The following ELF1 variants were observed in gnomAD, a reference collection of about 807,000 sequenced individuals.
ELF1 encodes the protein E74 like ETS transcription factor 1.
Under a neutral mutation model 59.9 loss-of-function variants are expected in ELF1, and 24 were observed. The observed-to-expected ratio is 0.40, with a 90% CI of 0.29 to 0.56. ELF1 has a LOEUF of 0.56. Among genes scored for constraint, ELF1 ranks in the 20% least tolerant of loss-of-function variants. The probability of loss-of-function intolerance (pLI) is 0.44; values close to 1 mark genes in which losing one functional copy is unlikely to be tolerated. For synonymous variants in ELF1, 248 were observed against 266.2 expected (o/e 0.93, Z 0.67); for missense variants, 627 against 742.2 (o/e 0.84, Z 1.80).
At chr13:41,001,650 A>G (rs892660379) in intron 1 of ELF1, among the ~76,000 whole-genome samples, 1 of 152,186 alleles carries the variant, frequency 6.6e-6, no homozygotes, top group Non-Finnish European at 1.5e-5. Flanking sequence ...TTGTGCCCTC[A>G]TAGGGCTTAG....
chr13:40,955,155 G>A (rs1871160785), intron 3 of ELF1, among the ~76,000 whole-genome samples: 1 of 150,236 alleles, frequency 6.7e-6, no homozygotes, highest in Non-Finnish European at 1.5e-5. Context: ...TGAGAAGTGA[G>A]GAGCCCCTCC....
intron 1 of ELF1, among the ~76,000 whole-genome samples, chr13:41,045,900 T>G (rs1876823170): frequency 1.3e-5 from 2 of 152,264 alleles, no homozygotes; most frequent in African/African-American, 2.4e-5. Context: ...AGTCTCCCAT[T>G]ATTATTGTGT....
At chr13:41,054,951 G>A (rs1877231988) in intron 1 of ELF1, among the ~76,000 whole-genome samples, 1 of 152,176 alleles carries the variant, frequency 6.6e-6, no homozygotes, top group African/African-American at 2.4e-5. Flanking sequence ...AAGGGGCTTC[G>A]TAAAATAAAC....
intron 2 of ELF1, among the ~76,000 whole-genome samples, chr13:40,969,715 A>G (rs1236428047): frequency 6.6e-6 from 1 of 152,148 alleles, no homozygotes; most frequent in Non-Finnish European, 1.5e-5. Flanking sequence ...AGTTCATTAA[A>G]TTTTTAAGAC....
intron 2 of ELF1, among the ~76,000 whole-genome samples, chr13:40,976,778 GAT>G (rs57166717): frequency 0.012 from 1,828 of 152,074 alleles, 24 homozygotes; most frequent in East Asian, 0.05. Flanking sequence ...GCTCTCATGT[GAT>G]ATACACCACC....
intron 1 of ELF1, among the ~76,000 whole-genome samples, chr13:41,056,141 T>G (rs1029714878): frequency 1.3e-5 from 2 of 152,196 alleles, no homozygotes; most frequent in African/African-American, 4.8e-5. Context: ...AAATTTACTA[T>G]CCACATTGGC....
intron 2 of ELF1, among the ~76,000 whole-genome samples, chr13:40,967,663 C>T (rs1872266214): frequency 6.6e-6 from 1 of 152,140 alleles, no homozygotes; most frequent in Non-Finnish European, 1.5e-5. Context: ...GTGATCACAG[C>T]TCACTGCATC....
chr13:40,967,370 CCT>C (rs1174082694), intron 2 of ELF1, among the ~76,000 whole-genome samples: 2 of 152,074 alleles, frequency 1.3e-5, no homozygotes, highest in African/African-American at 4.8e-5. Flanking sequence ...AGTTATCCAG[CCT>C]CTCTAAGCTT....
chr13:40,961,981 C>T lies in ELF1; in HGVS notation c.73-2965G>A, dbSNP rs149365079. Among the ~76,000 whole-genome samples the T allele has an allele frequency of 3.6e-4, 55 of 152,310 alleles. 2 individuals are homozygous for T. In the East Asian group the frequency reaches 0.01, roughly 28 times the overall value. On this transcript the variant is annotated intron_variant, in intron 2 of 8. Transcript: ENST00000239882. The stretch of plus-strand genomic sequence containing the variant: ...CTTGGGTAGAGAGTGCTAATGTGTA[C>T]ATAACAAGGGATACTTCCAAATTTT...
At chr13:40,955,663 C>A in intron 3 of ELF1, among the ~76,000 whole-genome samples, 1 of 119,182 alleles carries the variant, frequency 8.4e-6, no homozygotes, top group African/African-American at 3.1e-5. Flanking sequence ...CCGCCCCGTC[C>A]GGGAGGGAGG....
intron 1 of ELF1, among the ~76,000 whole-genome samples, chr13:40,989,843 T>G (rs1418840928): frequency 6.6e-6 from 1 of 152,154 alleles, no homozygotes; most frequent in Non-Finnish European, 1.5e-5. Context: ...AAGGGGGAAT[T>G]TAAAAAACCA....
In ELF1 at chr13:40,931,962, G is replaced by A. The variant is rs748854681; in HGVS notation, c.*1463C>T. The stretch of plus-strand genomic sequence containing the variant: ...AATTTATTTATAAACATTAAGTAAT[G>A]CTGATGTTCTAGTAATATTCTCTGC... On this transcript the variant is annotated 3_prime_UTR_variant, in exon 9 of 9. Coordinates refer to ENST00000239882, the MANE Select transcript of ELF1 (RefSeq NM_172373.4). 1.9e-4 allele frequency: 29 copies of A among 152,174 alleles called. No homozygotes were observed. The highest frequency in any genetic ancestry group is 4.0e-4 in the Non-Finnish European group (27 of 68,026). 9.4% of individuals were successfully genotyped at this position (152,174 alleles called of 1,614,324 possible).
chr13:40,946,402 C>T (rs1870512508), intron 5 of ELF1, among the ~76,000 whole-genome samples: 1 of 152,164 alleles, frequency 6.6e-6, no homozygotes, highest in Non-Finnish European at 1.5e-5. Context: ...ACATCTCGCC[C>T]TTCCTCACCC....
exon 1 of ELF1, chr13:41,061,007 T>C (rs1266429567): frequency 2.1e-5 from 5 of 237,698 alleles, no homozygotes; most frequent in Non-Finnish European, 4.3e-5. Flanking sequence ...GTGGGCGTCG[T>C]AGGGGAGAGG....
chr13:41,038,594 G>T (rs1189761882), intron 1 of ELF1, among the ~76,000 whole-genome samples: 1 of 152,146 alleles, frequency 6.6e-6, no homozygotes, highest in Non-Finnish European at 1.5e-5. Flanking sequence ...TCATCAAATG[G>T]CATTAGCTAA....
At chr13:40,941,956 G>GC (rs1297570790) in intron 7 of ELF1, among the ~76,000 whole-genome samples, 4 of 152,052 alleles carry the variant, frequency 2.6e-5, no homozygotes, top group Non-Finnish European at 4.4e-5. Flanking sequence ...ACCACACTCA[G>GC]CCCCCCTCTG....
At chr13:40,982,600 C>A (rs965527204) in intron 1 of ELF1, among the ~76,000 whole-genome samples, 1 of 150,794 alleles carries the variant, frequency 6.6e-6, no homozygotes, top group Non-Finnish European at 1.5e-5. Context: ...GGGTTGTAAT[C>A]GCAATAAAGG....
chr13:40,989,249 C>T (rs1214671902), intron 1 of ELF1, among the ~76,000 whole-genome samples: 3 of 152,202 alleles, frequency 2.0e-5, no homozygotes, highest in African/African-American at 7.2e-5. Context: ...ACTTTCTCAG[C>T]TCCTGCTTTC....
In ELF1 at chr13:41,060,917, C is replaced by CTGCTGCTGCT. The variant is rs1566205406; in HGVS notation, c.-309_-308insAGCAGCAGCA. On this transcript the variant is annotated 5_prime_UTR_variant, in exon 1 of 2. Transcript: ENST00000405737. ...TCTGCGCTACTGAAGCTGCTGCTGC[C>CTGCTGCTGCT]GCCGCCGCCGCCGCCGCCGCCGCCG... is the stretch of plus-strand genomic sequence containing the variant. The CTGCTGCTGCT allele has an allele frequency of 2.0e-4, 6 of 30,678 alleles. 2 individuals are homozygous for CTGCTGCTGCT. Among genetic ancestry groups the CTGCTGCTGCT allele is most frequent in the East Asian group, 9.0e-4 (6 of 6,690 alleles). The allele number at this position is 30,678 out of a possible 1,614,324, so 1.9% of individuals were successfully genotyped here.
Sources: allele counts gnomAD v4.1 joint callset (sites outside exome capture counted in the v4.1 genomes callset), GRCh38; gene constraint gnomAD v4.1.1; transcripts MANE v1.5; gene names NCBI Gene and HGNC (gene_info 2026-07-23, HGNC 2026-07-21).